Variants in AFF3 observed in about 807,000 individuals in gnomAD.
AFF3 encodes AF4/FMR2 family member 3.
AFF3 carries 32 observed loss-of-function variants against 129.7 expected under a neutral mutation model. The observed-to-expected ratio is 0.25, with a 90% CI of 0.19 to 0.33. The LOEUF is 0.33. AFF3 is among the 10% of genes least tolerant of loss of function. The pLI, the probability that AFF3 is intolerant of heterozygous loss-of-function variation, is 1.00. For missense variants in AFF3, 1,373 were observed against 1,592.0 expected, an observed-to-expected ratio of 0.86 and a Z score of 2.34; for synonymous variants, 644 against 635.4, an observed-to-expected ratio of 1.01 and a Z score of -0.20.
intron 7 of AFF3, among the ~76,000 whole-genome samples, chr2:99,980,663 A>G (rs1219539608): frequency 6.6e-6 from 1 of 152,156 alleles, no homozygotes; most frequent in East Asian, 1.9e-4. Context: ...TATCCAGGTT[A>G]ATTCTCTTAA....
At chr2:100,052,137 T>C (rs921352831) in intron 4 of AFF3, among the ~76,000 whole-genome samples, 1 of 152,196 alleles carries the variant, frequency 6.6e-6, no homozygotes, top group African/African-American at 2.4e-5. Context: ...ATGTGCTGCT[T>C]TCATGTTCAT....
chr2:99,940,066 C>G (rs1028594857), intron 7 of AFF3, among the ~76,000 whole-genome samples: 1 of 152,086 alleles, frequency 6.6e-6, no homozygotes, highest in South Asian at 2.1e-4. Context: ...CTGCCAAATG[C>G]GTATGTCTAA....
chr2:99,690,965 A>C (rs765131023), intron 11 of AFF3, among the ~76,000 whole-genome samples: 12 of 152,096 alleles, frequency 7.9e-5, no homozygotes, highest in Admixed American at 5.9e-4. Context: ...TTTCTGTTTG[A>C]ATGTCCAGGC....
intron 7 of AFF3, among the ~76,000 whole-genome samples, chr2:99,892,835 G>A (rs1693674024): frequency 6.6e-6 from 1 of 152,120 alleles, no homozygotes; most frequent in Admixed American, 6.5e-5. Context: ...AACATCCTGA[G>A]CACCAGAGGG....
chr2:99,635,039 T>C (rs992412098), intron 13 of AFF3, among the ~76,000 whole-genome samples: 2 of 151,686 alleles, frequency 1.3e-5, no homozygotes, highest in Admixed American at 6.6e-5. Flanking sequence ...GATATATATC[T>C]CTATGTACGT....
chr2:99,686,574 T>C (rs140418662), intron 11 of AFF3, among the ~76,000 whole-genome samples: 2 of 152,304 alleles, frequency 1.3e-5, no homozygotes, highest in African/African-American at 4.8e-5. Context: ...TTTGACTCCT[T>C]CTAACAGGTT....
At chr2:100,005,070 G>C (rs1681840210) in intron 7 of AFF3, among the ~76,000 whole-genome samples, 1 of 152,120 alleles carries the variant, frequency 6.6e-6, no homozygotes, top group Non-Finnish European at 1.5e-5. Flanking sequence ...GTCTCTGTCT[G>C]AGGCATCCCC....
intron 1 of AFF3, among the ~76,000 whole-genome samples, chr2:100,141,128 T>C (rs907020926): frequency 6.6e-6 from 1 of 152,236 alleles, no homozygotes; most frequent in Non-Finnish European, 1.5e-5. Flanking sequence ...ATTGTACTTG[T>C]GTTACAGATG....
chr2:99,844,174 T>C (rs1055978065), intron 7 of AFF3, among the ~76,000 whole-genome samples: 1 of 152,194 alleles, frequency 6.6e-6, no homozygotes. Flanking sequence ...GTATATGATA[T>C]AAAGCCAAAT....
intron 2 of AFF3, chr2:100,105,945 C>T (rs1200154285): frequency 1.5e-6 from 2 of 1,328,416 alleles, no homozygotes; most frequent in Non-Finnish European, 2.0e-6. Context: ...TGGGCAAGAA[C>T]CGCTGACTGG....
At chr2:99,951,302 T>C (rs1676142978) in intron 7 of AFF3, among the ~76,000 whole-genome samples, 1 of 152,200 alleles carries the variant, frequency 6.6e-6, no homozygotes, top group South Asian at 2.1e-4. Context: ...TTTTTTAAGA[T>C]TCCTCCTATG....
intron 8 of AFF3, among the ~76,000 whole-genome samples, chr2:99,832,417 T>A (rs1688574194): frequency 6.6e-6 from 1 of 152,170 alleles, no homozygotes; most frequent in Non-Finnish European, 1.5e-5. Flanking sequence ...TTGTCCCACC[T>A]CTGCTAGAAA....
At chr2:99,631,962 C>T (rs1340421774) in intron 13 of AFF3, among the ~76,000 whole-genome samples, 1 of 148,954 alleles carries the variant, frequency 6.7e-6, no homozygotes, top group Non-Finnish European at 1.5e-5. Context: ...TTTTAGTTCC[C>T]ATAAAAAATG....
At chr2:99,893,768 G>T (rs1451886142) in intron 7 of AFF3, among the ~76,000 whole-genome samples, 1 of 152,176 alleles carries the variant, frequency 6.6e-6, no homozygotes, top group East Asian at 1.9e-4. Flanking sequence ...ATTGAGAGGG[G>T]CTAGACACAG....
chr2:99,964,364 C>G (rs1677522250), intron 7 of AFF3, among the ~76,000 whole-genome samples: 1 of 152,122 alleles, frequency 6.6e-6, no homozygotes, highest in African/African-American at 2.4e-5. Flanking sequence ...TGCTACAGAA[C>G]AAAATTCTAC....
At position 99,840,745 on chromosome 2, in the gene AFF3, G is replaced by A. The variant is rs1355520628; in HGVS notation, c.874-3221C>T. ...ACAACTGGATCAGAGAGCTCTTTTG[G>A]AACCTGATCCTTTTCCAGGGAAGCC... On this transcript the variant is annotated intron_variant, in intron 7 of 24. Transcript: ENST00000672756. Among the ~76,000 whole-genome samples the A allele has an allele frequency of 5.9e-5, 9 of 152,212 alleles. No homozygotes were observed. In the East Asian group the frequency reaches 1.7e-3, roughly 29 times the overall value.
chr2:99,983,374 GT>G (rs200417752), intron 7 of AFF3, among the ~76,000 whole-genome samples: 3 of 150,818 alleles, frequency 2.0e-5, no homozygotes, highest in South Asian at 2.1e-4. Flanking sequence ...TCCTATCTCT[GT>G]TTTTTTTTGT....
At chr2:99,990,798 G>A (rs1172169421) in intron 7 of AFF3, among the ~76,000 whole-genome samples, 1 of 152,176 alleles carries the variant, frequency 6.6e-6, no homozygotes, top group Non-Finnish European at 1.5e-5. Context: ...TGTGGATATG[G>A]TATGGATACG....
At chr2:99,689,678 A>C (rs1277946850) in intron 11 of AFF3, among the ~76,000 whole-genome samples, 1 of 151,338 alleles carries the variant, frequency 6.6e-6, no homozygotes, top group Non-Finnish European at 1.5e-5. Context: ...AAAAAAAAAA[A>C]AAAAAGAGCA....
Sources: gnomAD v4.1 joint callset for allele counts (sites outside exome capture counted in the v4.1 genomes callset) on GRCh38, gnomAD v4.1.1 for gene constraint, MANE v1.5 for transcripts, NCBI Gene and HGNC (gene_info 2026-07-23, HGNC 2026-07-21) for gene names.